Variants in DZIP3 observed in about 807,000 individuals in gnomAD.
DZIP3 encodes the protein E3 ubiquitin-protein ligase DZIP3.
Under a neutral mutation model 162.0 loss-of-function variants are expected in DZIP3, and 118 were observed. The observed-to-expected ratio is 0.73, with a 90% confidence interval of 0.63 to 0.85. The LOEUF is 0.85. DZIP3 is among the 40% of genes least tolerant of loss of function. DZIP3 has a pLI of 0.00. For synonymous variants in DZIP3, 438 were observed against 458.6 expected (o/e 0.96, Z 0.57); for missense variants, 1,331 against 1,407.0 (o/e 0.95, Z 0.86).
At position 108,682,098 on chromosome 3, in the gene DZIP3, G is replaced by C. The variant is rs999607789; in HGVS notation, c.2884-2118G>C. Among the ~76,000 whole-genome samples the C allele has an allele frequency of 8.6e-5, 13 of 150,580 alleles. 1 individual carries two copies. Among genetic ancestry groups the C allele is most frequent in the African/African-American group, 3.0e-4 (12 of 40,134 alleles). On this transcript the variant is annotated intron_variant, in intron 26 of 32. Transcript: ENST00000361582. ...ATAATAATTAGAAAAAAAAAGAACA[G>C]CTATTATCAAAAAACAAATGATATC...
Position 108,672,656 on chromosome 3 carries a change from G to C in DZIP3, c.2589G>C (p.Glu863Asp), listed in dbSNP as rs764839469. Residue 863 changes from glutamate to aspartate, a missense_variant and splice_region_variant, in exon 23 of 33, where the codon GAG becomes GAC. Glu to Asp is a conservative substitution (Grantham distance 45). This residue lies in a region of DZIP3 where 1,278 missense variants were observed against 1,317.1 expected (regional missense o/e 0.97). Transcript: ENST00000361582. ...AAACTAGCAGAGCTTTAACAGCCGA[G>C]GTAACAACAAAACGGGGACAGGGGT... is the stretch of plus-strand genomic sequence containing the variant. ...NAETSRALTA[E>D]VYFLQCRRDF... The C allele has an allele frequency of 8.7e-6, 14 of 1,610,898 alleles. No individual in the cohort carries two copies. Among genetic ancestry groups the C allele is most frequent in the Non-Finnish European group, 1.2e-5 (14 of 1,178,126 alleles).
chr3:108,590,151 A>G (rs1394947982), intron 1 of DZIP3: 1 of 152,142 alleles, frequency 6.6e-6, no homozygotes, highest in Non-Finnish European at 1.5e-5. Flanking sequence ...ATAATTCTCG[A>G]TGTCTACGAA....
chr3:108,593,912 G>A (rs1300088047), intron 1 of DZIP3, among the ~76,000 whole-genome samples: 1 of 151,950 alleles, frequency 6.6e-6, no homozygotes, highest in Non-Finnish European at 1.5e-5. Context: ...TGATCCGCTC[G>A]CCTCAGCTTC....
chr3:108,616,055 G>A (rs918908173), intron 4 of DZIP3, among the ~76,000 whole-genome samples: 13 of 152,134 alleles, frequency 8.5e-5, no homozygotes, highest in Non-Finnish European at 1.6e-4. Context: ...ACGAGGTCAG[G>A]AGACCAAGAC....
At chr3:108,603,785 G>C (rs1940166632) in intron 1 of DZIP3, among the ~76,000 whole-genome samples, 1 of 152,122 alleles carries the variant, frequency 6.6e-6, no homozygotes, top group Non-Finnish European at 1.5e-5. Context: ...GTCAGATGTA[G>C]AATATTGGTA....
chr3:108,649,462 AAGTC>A (rs911259810), intron 17 of DZIP3, among the ~76,000 whole-genome samples: 24 of 152,014 alleles, frequency 1.6e-4, no homozygotes, highest in African/African-American at 5.8e-4. Context: ...CAAAATGAAC[AAGTC>A]AGTATCTAGC....
chr3:108,631,727 A>G (rs1941900750), intron 8 of DZIP3, among the ~76,000 whole-genome samples: 1 of 150,358 alleles, frequency 6.7e-6, no homozygotes, highest in Admixed American at 6.6e-5. Context: ...CTTCTAATCA[A>G]CTTCTAAGAA....
intron 12 of DZIP3, among the ~76,000 whole-genome samples, chr3:108,640,681 T>A (rs1253034439): frequency 2.0e-5 from 3 of 152,102 alleles, no homozygotes; most frequent in Admixed American, 2.0e-4. Context: ...TCTGACCTCG[T>A]GATCCACCCT....
At chr3:108,599,908 T>C (rs1055191036) in intron 1 of DZIP3, among the ~76,000 whole-genome samples, 5 of 152,210 alleles carry the variant, frequency 3.3e-5, no homozygotes, top group African/African-American at 1.2e-4. Context: ...ATTTCTGTTG[T>C]TTCTATAGTA....
chr3:108,662,037 G>T, intron 20 of DZIP3, 65 bp downstream of exon 20: 1 of 1,579,748 alleles, frequency 6.3e-7, no homozygotes, highest in Non-Finnish European at 8.6e-7. Context: ...ACTTACTGGT[G>T]CTTTCTGTTT....
intron 1 of DZIP3, among the ~76,000 whole-genome samples, chr3:108,595,198 T>C (rs1048499480): frequency 1.6e-4 from 24 of 152,150 alleles, no homozygotes; most frequent in African/African-American, 5.3e-4. Context: ...AATTTCTCTT[T>C]GTGATTTTGT....
Position 108,646,629 on chromosome 3 carries a change from A to G in DZIP3, c.1772A>G (p.Gln591Arg). The part of the protein sequence containing the change: ...LSCYQQGIAL[Q>R]SITGSQRIEI... ...TTATGTATTATAGGAATTGCTCTAC[A>G]GTCAATAACAGGCAGTCAGCGTAAG... Residue 591 changes from glutamine to arginine, a missense_variant, in exon 15 of 33, where the codon CAG becomes CGG. Physicochemically the swap from Gln to Arg is conservative, Grantham distance 43. Around this residue, in one of 2 missense-constraint regions of DZIP3, gnomAD observed 1,278 missense variants for 1,317.1 expected, o/e 0.97. Coordinates refer to ENST00000361582, the MANE Select transcript of DZIP3 (RefSeq NM_014648.4). 1 of 1,566,746 alleles carries G rather than the reference A, an allele frequency of 6.4e-7. No individual in the cohort carries two copies. Among genetic ancestry groups the G allele is most frequent in the South Asian group, 1.2e-5 (1 of 85,046 alleles).
chr3:108,636,250 T>TGTAA (rs1425374471), intron 10 of DZIP3, among the ~76,000 whole-genome samples: 2 of 151,908 alleles, frequency 1.3e-5, no homozygotes, highest in Admixed American at 6.6e-5. Context: ...AGAGAAAGGA[T>TGTAA]GTAACATTTT....
chr3:108,599,526 A>G (rs1939882849), intron 1 of DZIP3, among the ~76,000 whole-genome samples: 1 of 152,202 alleles, frequency 6.6e-6, no homozygotes. Context: ...AGTCTAACCT[A>G]ATGGCCTCAG....
intron 26 of DZIP3, among the ~76,000 whole-genome samples, chr3:108,684,004 G>C (rs922130238): frequency 6.6e-6 from 1 of 152,036 alleles, no homozygotes; most frequent in Non-Finnish European, 1.5e-5. Context: ...CTTTGTCAAT[G>C]CTGTTTTCAA....
intron 24 of DZIP3, among the ~76,000 whole-genome samples, chr3:108,675,309 AATTT>A (rs1944064398): frequency 6.6e-6 from 1 of 152,048 alleles, no homozygotes. Flanking sequence ...AGATATTTCT[AATTT>A]ATCCTCCCAG....
At chr3:108,661,636 AATT>A (rs1943439976) in intron 19 of DZIP3, among the ~76,000 whole-genome samples, 1 of 150,470 alleles carries the variant, frequency 6.6e-6, no homozygotes, top group African/African-American at 2.5e-5. Flanking sequence ...AAAGTATAAT[AATT>A]AAAAAAAAAG....
rs1309651454 is a variant in DZIP3, at chr3:108,625,869, T to C, written c.481T>C (p.Phe161Leu). The C allele has an allele frequency of 6.2e-7, 1 of 1,612,790 alleles. No individual in the cohort carries two copies. The highest frequency in any genetic ancestry group is 2.2e-5 in the East Asian group (1 of 44,778). The change falls in exon 7 of 33, where the codon TTT becomes CTT. Residue 161 changes from phenylalanine (F) to leucine (L), a missense_variant. By Grantham distance (22) the Phe-to-Leu change is conservative. Around this residue, in one of 2 missense-constraint regions of DZIP3, gnomAD observed 1,278 missense variants for 1,317.1 expected, o/e 0.97. Transcript: ENST00000361582. The stretch of plus-strand genomic sequence containing the variant: ...GGATTATACAGAAGCTGAGAATAAA[T>C]TTCTGGTGATGAAGATGATGATCCA... ...KEDYTEAENK[F>L]LVMKMMIQEN...
At chr3:108,626,641 G>A (rs948556208) in intron 7 of DZIP3, among the ~76,000 whole-genome samples, 1 of 152,136 alleles carries the variant, frequency 6.6e-6, no homozygotes, top group Non-Finnish European at 1.5e-5. Context: ...TTATATTCCA[G>A]AAACTGTTAG....
Sources: allele counts gnomAD v4.1 joint callset (sites outside exome capture counted in the v4.1 genomes callset), GRCh38; gene constraint gnomAD v4.1.1; regional missense constraint gnomAD v4.1.1; transcripts MANE v1.5; gene names NCBI Gene and HGNC (gene_info 2026-07-23, HGNC 2026-07-21).